The following HYCC1 variants were observed in gnomAD, a reference collection of about 807,000 sequenced individuals.
HYCC1 encodes hyccin.
chr7:22,925,401 T>C, the HYCC1 span, among the ~76,000 whole-genome samples: 1 of 152,072 alleles, frequency 6.6e-6, no homozygotes, highest in Non-Finnish European at 1.5e-5. Flanking sequence ...AGGAGGAAGT[T>C]CGAACCAACG....
the HYCC1 span, among the ~76,000 whole-genome samples, chr7:22,927,562 C>T: frequency 4.6e-5 from 7 of 152,138 alleles, no homozygotes; most frequent in East Asian, 1.9e-4. Context: ...AACACCTCTA[C>T]GCAAATAAAC....
At chr7:22,938,567 T>C in the HYCC1 span, 59,800 of 152,036 alleles carry the variant, frequency 0.39, 11,733 homozygotes, top group East Asian at 0.51. Context: ...CTCATTTAGT[T>C]GGTGTGTAGT....
the HYCC1 span, among the ~76,000 whole-genome samples, chr7:23,003,634 A>G: frequency 1.3e-5 from 2 of 152,198 alleles, no homozygotes; most frequent in Non-Finnish European, 2.9e-5. Context: ...TCCTTTTTAC[A>G]ATGTTGGGGA....
chr7:22,930,152 T>C, the HYCC1 span, among the ~76,000 whole-genome samples: 12 of 117,920 alleles, frequency 1.0e-4, no homozygotes, highest in Non-Finnish European at 4.8e-5. Flanking sequence ...AGAGAACACA[T>C]GGACACAGGA....
At chr7:22,907,901 G>A in the HYCC1 span, among the ~76,000 whole-genome samples, 2 of 152,162 alleles carry the variant, frequency 1.3e-5, no homozygotes, top group African/African-American at 4.8e-5. Context: ...AACAGAACAA[G>A]AGCCTGTCTC....
At chr7:22,987,044 G>C in the HYCC1 span, among the ~76,000 whole-genome samples, 1 of 152,132 alleles carries the variant, frequency 6.6e-6, no homozygotes, top group Non-Finnish European at 1.5e-5. Context: ...ATTTGATTTT[G>C]AGTCACATAT....
the HYCC1 span, among the ~76,000 whole-genome samples, chr7:22,924,502 A>G: frequency 8.5e-5 from 13 of 152,204 alleles, no homozygotes; most frequent in Admixed American, 5.9e-4. Context: ...TGCTTTTCCA[A>G]CGGGCTTAAC....
At chr7:23,002,262 T>C in the HYCC1 span, among the ~76,000 whole-genome samples, 1 of 150,520 alleles carries the variant, frequency 6.6e-6, no homozygotes, top group East Asian at 1.9e-4. Context: ...GATCAAAGGG[T>C]ACAGCAACTA....
chr7:23,011,752 A>G, the HYCC1 span, among the ~76,000 whole-genome samples: 3 of 152,158 alleles, frequency 2.0e-5, no homozygotes, highest in Non-Finnish European at 4.4e-5. Flanking sequence ...CGTCATTGTC[A>G]ATGACTTATC....
At chr7:22,905,795 T>TA in the HYCC1 span, among the ~76,000 whole-genome samples, 1 of 152,218 alleles carries the variant, frequency 6.6e-6, no homozygotes, top group Non-Finnish European at 1.5e-5. Flanking sequence ...TATATTAAGT[T>TA]ACGGAGGATT....
chr7:22,922,716 G>A, the HYCC1 span, among the ~76,000 whole-genome samples: 1 of 152,068 alleles, frequency 6.6e-6, no homozygotes, highest in Admixed American at 6.6e-5. Context: ...GTAAAAGTAT[G>A]GGAAAAGATA....
At chr7:22,951,187 CA>C in the HYCC1 span, among the ~76,000 whole-genome samples, 1 of 151,914 alleles carries the variant, frequency 6.6e-6, no homozygotes, top group African/African-American at 2.4e-5. Context: ...TGATTTCTCT[CA>C]AATGTCATTT....
At chr7:22,971,136 T>C in the HYCC1 span, among the ~76,000 whole-genome samples, 9 of 151,700 alleles carry the variant, frequency 5.9e-5, no homozygotes, top group Non-Finnish European at 1.0e-4. Context: ...AATAAACTTT[T>C]GGGATTGTTA....
chr7:22,925,870 C>A, the HYCC1 span, among the ~76,000 whole-genome samples: 1 of 152,052 alleles, frequency 6.6e-6, no homozygotes, highest in African/African-American at 2.4e-5. Context: ...AACTCCAAGA[C>A]ACATAATTGT....
At chr7:22,966,431 A>G in the HYCC1 span, among the ~76,000 whole-genome samples, 1 of 152,198 alleles carries the variant, frequency 6.6e-6, no homozygotes, top group Non-Finnish European at 1.5e-5. Context: ...ATCTGGGACT[A>G]CAGGCCTGTG....
At chr7:22,952,317 G>C in the HYCC1 span, among the ~76,000 whole-genome samples, 1 of 151,970 alleles carries the variant, frequency 6.6e-6, no homozygotes. Flanking sequence ...TTGAAGAAGA[G>C]ATGTTTAAGC....
the HYCC1 span, among the ~76,000 whole-genome samples, chr7:22,947,407 T>C: frequency 7.9e-5 from 12 of 152,090 alleles, no homozygotes; most frequent in Non-Finnish European, 1.8e-4. Flanking sequence ...AATACTCTGA[T>C]AGCACCAGAG....
chr7:22,929,952 A>G, the HYCC1 span, among the ~76,000 whole-genome samples: 1 of 152,266 alleles, frequency 6.6e-6, no homozygotes, highest in Non-Finnish European at 1.5e-5. Context: ...CAAATGTCCA[A>G]CAATGATAGA....
the HYCC1 span, among the ~76,000 whole-genome samples, chr7:23,003,105 G>A: frequency 6.6e-6 from 1 of 152,240 alleles, no homozygotes; most frequent in African/African-American, 2.4e-5. Context: ...CTGAGGTACT[G>A]GGGGTTAGGC....
Sources: allele counts gnomAD v4.1 joint callset (sites outside exome capture counted in the v4.1 genomes callset), GRCh38; gene constraint gnomAD v4.1.1; transcripts MANE v1.5; gene names NCBI Gene and HGNC (gene_info 2026-07-23, HGNC 2026-07-21).